LOC128092253: variants seen among roughly 807,000 people sequenced by gnomAD.
the LOC128092253 span, among the ~76,000 whole-genome samples, chr6:133,967,352 ATAT>A: frequency 6.6e-6 from 1 of 152,346 alleles, no homozygotes; most frequent in South Asian, 2.1e-4. Flanking sequence ...CAAAAGGTTA[ATAT>A]TCTTTATATA....
chr6:133,965,002 AC>A, the LOC128092253 span, among the ~76,000 whole-genome samples: 1 of 152,190 alleles, frequency 6.6e-6, no homozygotes, highest in Non-Finnish European at 1.5e-5. Flanking sequence ...CTGCATTCAC[AC>A]CCTTGAAATA....
the LOC128092253 span, among the ~76,000 whole-genome samples, chr6:133,957,593 G>C: frequency 6.6e-6 from 1 of 152,208 alleles, no homozygotes; most frequent in Non-Finnish European, 1.5e-5. Flanking sequence ...GAAGAGTTTT[G>C]ATCAGAATCA....
the LOC128092253 span, among the ~76,000 whole-genome samples, chr6:133,972,173 A>G: frequency 6.6e-6 from 1 of 152,232 alleles, no homozygotes; most frequent in African/African-American, 2.4e-5. Flanking sequence ...TGCAGACAAG[A>G]CATTCCCCCA....
the LOC128092253 span, among the ~76,000 whole-genome samples, chr6:133,976,596 A>G: frequency 1.3e-5 from 2 of 152,308 alleles, no homozygotes; most frequent in East Asian, 3.9e-4. Flanking sequence ...CCTTTGAACT[A>G]CTAATATTTA....
chr6:133,954,859 T>C, the LOC128092253 span, among the ~76,000 whole-genome samples: 2 of 152,118 alleles, frequency 1.3e-5, no homozygotes, highest in African/African-American at 4.8e-5. Flanking sequence ...GTGCCCTTGA[T>C]TGGGCTGGCT....
chr6:133,968,720 G>T, the LOC128092253 span: 1 of 152,282 alleles, frequency 6.6e-6, no homozygotes, highest in South Asian at 2.1e-4. Flanking sequence ...GCCCACGCTG[G>T]AGTGCAGTGG....
the LOC128092253 span, among the ~76,000 whole-genome samples, chr6:133,966,159 C>G: frequency 8.9e-3 from 1,352 of 152,160 alleles, 15 homozygotes; most frequent in Middle Eastern, 0.017. Context: ...TTTTAATAAC[C>G]TCAAGCTTAC....
the LOC128092253 span, among the ~76,000 whole-genome samples, chr6:133,969,457 G>C: frequency 3.9e-5 from 6 of 151,972 alleles, no homozygotes; most frequent in Non-Finnish European, 8.8e-5. Flanking sequence ...ATAGATAGTA[G>C]GTAGTCATAT....
the LOC128092253 span, among the ~76,000 whole-genome samples, chr6:133,975,747 T>C: frequency 1.6e-4 from 24 of 152,180 alleles, no homozygotes; most frequent in African/African-American, 5.5e-4. Flanking sequence ...TATATGAGAA[T>C]GATAAGACTG....
At chr6:133,963,476 G>C in the LOC128092253 span, among the ~76,000 whole-genome samples, 1 of 152,154 alleles carries the variant, frequency 6.6e-6, no homozygotes, top group Non-Finnish European at 1.5e-5. Flanking sequence ...CCAGACTGGA[G>C]TGCAGTGGTG....
chr6:133,956,396 C>T, the LOC128092253 span, among the ~76,000 whole-genome samples: 3 of 152,126 alleles, frequency 2.0e-5, no homozygotes, highest in African/African-American at 7.2e-5. Flanking sequence ...GCTTTTTGTG[C>T]ACTTGTAGGT....
chr6:133,959,888 A>G, the LOC128092253 span, among the ~76,000 whole-genome samples: 1 of 152,228 alleles, frequency 6.6e-6, no homozygotes, highest in Non-Finnish European at 1.5e-5. Context: ...AAATATGAAG[A>G]TGGAGATTTG....
At chr6:133,973,965 A>G in the LOC128092253 span, among the ~76,000 whole-genome samples, 1 of 149,704 alleles carries the variant, frequency 6.7e-6, no homozygotes, top group Non-Finnish European at 1.5e-5. Flanking sequence ...ACATATATAT[A>G]TATATTTGTT....
At chr6:133,966,410 T>C in the LOC128092253 span, among the ~76,000 whole-genome samples, 4 of 152,212 alleles carry the variant, frequency 2.6e-5, no homozygotes, top group African/African-American at 9.6e-5. Flanking sequence ...TGGCTTAATA[T>C]TGAGGATCAG....
At chr6:133,970,491 A>G in the LOC128092253 span, among the ~76,000 whole-genome samples, 1 of 152,224 alleles carries the variant, frequency 6.6e-6, no homozygotes, top group Non-Finnish European at 1.5e-5. Context: ...ATTATTAAAT[A>G]AAGTCCTAAT....
the LOC128092253 span, chr6:133,979,991 T>C: frequency 2.0e-6 from 2 of 977,578 alleles, no homozygotes; most frequent in Non-Finnish European, 2.8e-6. Context: ...ATAAATAATA[T>C]AGATTCATTT....
the LOC128092253 span, among the ~76,000 whole-genome samples, chr6:133,961,171 C>T: frequency 1.3e-5 from 2 of 152,190 alleles, no homozygotes; most frequent in African/African-American, 4.8e-5. Context: ...TTTACACTTA[C>T]CTGCCCCCAA....
chr6:133,958,121 T>C, the LOC128092253 span, among the ~76,000 whole-genome samples: 1 of 152,234 alleles, frequency 6.6e-6, no homozygotes, highest in Non-Finnish European at 1.5e-5. Context: ...TCTCTGTTTC[T>C]TGGAAAAGGA....
chr6:133,959,269 A>G, the LOC128092253 span, among the ~76,000 whole-genome samples: 1 of 152,104 alleles, frequency 6.6e-6, no homozygotes, highest in South Asian at 2.1e-4. Context: ...CGAACTTCTG[A>G]CCTCAAGTGA....
Sources: gnomAD v4.1 joint callset for allele counts (sites outside exome capture counted in the v4.1 genomes callset) on GRCh38, gnomAD v4.1.1 for gene constraint, MANE v1.5 for transcripts.